Variants in SULF1 observed in about 807,000 individuals in gnomAD.
The protein encoded by SULF1 is sulfatase 1.
A neutral mutation model predicts 110.5 loss-of-function variants in SULF1; 46 were observed. The observed-to-expected ratio is 0.42, with a 90% CI of 0.33 to 0.53. The LOEUF is 0.53. Ranked by LOEUF, SULF1 falls within the 20% of genes least tolerant of loss-of-function variation. SULF1 has a pLI of 0.12. For synonymous variants in SULF1, 371 were observed against 387.1 expected (o/e 0.96, Z 0.49); for missense variants, 941 against 1,094.2 (o/e 0.86, Z 1.98).
intron 3 of SULF1, chr8:69,562,984 TGAG>T (rs960689791): frequency 6.6e-6 from 1 of 152,170 alleles, no homozygotes. Flanking sequence ...TGGGGGACAG[TGAG>T]GAGGTTTTCA....
intron 14 of SULF1, among the ~76,000 whole-genome samples, chr8:69,623,721 ACACTGCCAGGCAATGG>A (rs11273366): frequency 0.061 from 9,263 of 151,984 alleles, 450 homozygotes; most frequent in African/African-American, 0.13. Flanking sequence ...GTCATCCATC[ACACTGCCAGGCAATGG>A]CACTGCCAGG....
chr8:69,627,093 G>A, intron 15 of SULF1, 117 bp from the exon 16 acceptor site: 1 of 736,938 alleles, frequency 1.4e-6, no homozygotes, highest in Non-Finnish European at 2.3e-6. Context: ...CAGCTCAACG[G>A]TTACTGCATG....
At chr8:69,531,108 C>A (rs527381832) in intron 3 of SULF1, among the ~76,000 whole-genome samples, 10 of 152,182 alleles carry the variant, frequency 6.6e-5, no homozygotes, top group African/African-American at 2.2e-4. Flanking sequence ...GATGTAAATC[C>A]AGATCTGCCT....
At chr8:69,613,200 T>C (rs112746499) in intron 13 of SULF1, among the ~76,000 whole-genome samples, 124 of 152,258 alleles carry the variant, frequency 8.1e-4, no homozygotes, top group African/African-American at 2.6e-3. Flanking sequence ...CTCTATTCTG[T>C]TCCATTCTAT....
chr8:69,478,768 C>G (rs1428053993), intron 1 of SULF1, among the ~76,000 whole-genome samples: 1 of 151,990 alleles, frequency 6.6e-6, no homozygotes, highest in African/African-American at 2.4e-5. Context: ...TTTTAAATTG[C>G]CTTCTCTCTC....
At chr8:69,577,730 C>T (rs1311743101) in intron 6 of SULF1, among the ~76,000 whole-genome samples, 4 of 152,154 alleles carry the variant, frequency 2.6e-5, no homozygotes, top group African/African-American at 7.2e-5. Context: ...CACCTAATTC[C>T]TAGGGCAATC....
At chr8:69,501,362 A>G (rs905064181) in intron 2 of SULF1, among the ~76,000 whole-genome samples, 18 of 152,220 alleles carry the variant, frequency 1.2e-4, no homozygotes, top group African/African-American at 3.9e-4. Context: ...ATTTATTTTA[A>G]TCACTTACAT....
intron 3 of SULF1, among the ~76,000 whole-genome samples, chr8:69,540,372 C>G (rs1204496206): frequency 6.6e-6 from 1 of 152,192 alleles, no homozygotes; most frequent in African/African-American, 2.4e-5. Context: ...AAATGTTTCA[C>G]TCATTGTAAG....
intron 2 of SULF1, among the ~76,000 whole-genome samples, chr8:69,498,817 A>G (rs1319612714): frequency 6.6e-6 from 1 of 152,158 alleles, no homozygotes; most frequent in East Asian, 1.9e-4. Context: ...CTGAGGAAAC[A>G]TTTCTCCACC....
chr8:69,649,743 G>A (rs965039725), intron 22 of SULF1, among the ~76,000 whole-genome samples: 18 of 151,960 alleles, frequency 1.2e-4, no homozygotes, highest in African/African-American at 4.1e-4. Flanking sequence ...TTGTGCTCTC[G>A]GGATATCTTA....
intron 22 of SULF1, among the ~76,000 whole-genome samples, chr8:69,650,498 G>T (rs1226865849): frequency 6.6e-6 from 1 of 152,116 alleles, no homozygotes. Flanking sequence ...CAAAACATTA[G>T]CTGGGCTTAG....
intron 8 of SULF1, among the ~76,000 whole-genome samples, chr8:69,594,586 G>A (rs1420652501): frequency 6.6e-6 from 1 of 152,158 alleles, no homozygotes; most frequent in Non-Finnish European, 1.5e-5. Flanking sequence ...CAAAGGTTTT[G>A]AAACACCTTT....
At chr8:69,598,754 A>G (rs1807549781) in intron 8 of SULF1, among the ~76,000 whole-genome samples, 1 of 152,120 alleles carries the variant, frequency 6.6e-6, no homozygotes, top group Non-Finnish European at 1.5e-5. Context: ...TTTGAGCCAC[A>G]CCCTCTTTTC....
At position 69,473,420 on chromosome 8, in the gene SULF1, A is replaced by C. The variant is rs145483392; in HGVS notation, c.-391+6470A>C. The C allele has an allele frequency of 4.0e-3, 614 of 152,302 alleles. 6 individuals carry two copies. The highest frequency in any genetic ancestry group is 0.014 in the African/African-American group (571 of 41,562). The allele number at this position is 152,302 out of a possible 1,614,324, so 9.4% of individuals were successfully genotyped here. A position where few individuals can be genotyped will look rare whatever the true frequency, so the allele number is the denominator to read the frequency against. Reference sequence around the variant, plus strand: ...TAATTGTAAAAGGTAGACTCTCTCAAAATAAATCTATAAATTTTGGGTCGT... The same window carrying C: ...TAATTGTAAAAGGTAGACTCTCTCACAATAAATCTATAAATTTTGGGTCGT... On this transcript the variant is annotated intron_variant, in intron 1 of 22. Coordinates refer to the SULF1 transcript ENST00000260128.
At chr8:69,620,856 TA>T (rs141283883) in intron 13 of SULF1, among the ~76,000 whole-genome samples, 178 bp from the exon 14 acceptor site, 1 of 152,286 alleles carries the variant, frequency 6.6e-6, no homozygotes, top group Non-Finnish European at 1.5e-5. Flanking sequence ...GTGAAAGAAA[TA>T]ACTGAGAGTC....
intron 3 of SULF1, among the ~76,000 whole-genome samples, chr8:69,535,753 C>T (rs544821948): frequency 1.2e-3 from 178 of 152,132 alleles, no homozygotes; most frequent in African/African-American, 3.8e-3. Context: ...CATAAGAGGC[C>T]GGGTGAGATG....
At chr8:69,593,743 T>C in intron 8 of SULF1, among the ~76,000 whole-genome samples, 1 of 152,190 alleles carries the variant, frequency 6.6e-6, no homozygotes, top group East Asian at 1.9e-4. Flanking sequence ...TGAGAAAGCC[T>C]CTGTCATAAT....
At chr8:69,594,710 A>G (rs924694681) in intron 8 of SULF1, among the ~76,000 whole-genome samples, 1 of 151,766 alleles carries the variant, frequency 6.6e-6, no homozygotes, top group Non-Finnish European at 1.5e-5. Flanking sequence ...TTTAAATTCT[A>G]CAAAAAAAAA....
chr8:69,476,770 A>C (rs1809316106), intron 1 of SULF1, among the ~76,000 whole-genome samples: 1 of 152,242 alleles, frequency 6.6e-6, no homozygotes, highest in South Asian at 2.1e-4. Context: ...GGATTAATTG[A>C]CATGAGCCAG....
Sources: allele counts gnomAD v4.1 joint callset (sites outside exome capture counted in the v4.1 genomes callset), GRCh38; gene constraint gnomAD v4.1.1; transcripts MANE v1.5; gene names NCBI Gene and HGNC (gene_info 2026-07-23, HGNC 2026-07-21).